Variants in ASIC2 observed in about 807,000 individuals in gnomAD.
The protein encoded by ASIC2 is acid-sensing ion channel 2.
Under a neutral mutation model 57.3 loss-of-function variants are expected in ASIC2, and 25 were observed. The observed-to-expected ratio is 0.44, with a 90% CI of 0.32 to 0.61. The LOEUF is 0.61. Ranked by LOEUF, ASIC2 falls within the 20% of genes least tolerant of loss-of-function variation. ASIC2 has a pLI of 0.06. For synonymous variants in ASIC2, 319 were observed against 307.5 expected (o/e 1.04, Z -0.39); for missense variants, 641 against 738.1 (o/e 0.87, Z 1.52).
chr17:33,970,877 C>T (rs749938264), intron 1 of ASIC2, among the ~76,000 whole-genome samples: 7 of 152,158 alleles, frequency 4.6e-5, no homozygotes, highest in Admixed American at 1.3e-4. Flanking sequence ...AGGGGAGATG[C>T]TCAGAACAAA....
chr17:33,604,360 G>A (rs1905176287), intron 1 of ASIC2, among the ~76,000 whole-genome samples: 1 of 152,206 alleles, frequency 6.6e-6, no homozygotes, highest in African/African-American at 2.4e-5. Flanking sequence ...TGGAGAGCAG[G>A]TGGTGATGAA....
chr17:33,505,150 G>A (rs941626564), intron 1 of ASIC2, among the ~76,000 whole-genome samples: 1 of 152,038 alleles, frequency 6.6e-6, no homozygotes, highest in Non-Finnish European at 1.5e-5. Flanking sequence ...TCAATATGGT[G>A]GGCGGGGCAC....
At chr17:33,824,386 G>A (rs954233163) in intron 1 of ASIC2, among the ~76,000 whole-genome samples, 1 of 151,764 alleles carries the variant, frequency 6.6e-6, no homozygotes, top group African/African-American at 2.4e-5. Flanking sequence ...GTGTATATAT[G>A]TATGTATATA....
chr17:33,341,455 G>A (rs1907717972), intron 1 of ASIC2, among the ~76,000 whole-genome samples: 1 of 151,768 alleles, frequency 6.6e-6, no homozygotes, highest in Non-Finnish European at 1.5e-5. Flanking sequence ...CATTTTACTG[G>A]AACACAGCCA....
At chr17:33,339,092 A>C (rs1329714865) in intron 1 of ASIC2, among the ~76,000 whole-genome samples, 1 of 152,194 alleles carries the variant, frequency 6.6e-6, no homozygotes, top group African/African-American at 2.4e-5. Context: ...TACCACGATA[A>C]AAATTAAGTT....
intron 1 of ASIC2, among the ~76,000 whole-genome samples, chr17:33,437,974 A>G (rs951232137): frequency 6.6e-6 from 1 of 152,206 alleles, no homozygotes; most frequent in Non-Finnish European, 1.5e-5. Flanking sequence ...ACCAAGAAAG[A>G]GCTAAGTAAT....
At chr17:33,640,107 T>A (rs1247648554) in intron 1 of ASIC2, among the ~76,000 whole-genome samples, 1 of 151,958 alleles carries the variant, frequency 6.6e-6, no homozygotes, top group Non-Finnish European at 1.5e-5. Context: ...GGGTAGGGGA[T>A]GCAATGGAGA....
Position 33,292,121 on chromosome 17 carries a change from C to T in ASIC2, c.-6G>A. Reference sequence around the variant, plus strand: ...GCTCCGCCAATCCGGCTCATTCATTCAGCCCGCGGCTGGCGGCAGCGGCGG... The same window carrying T: ...GCTCCGCCAATCCGGCTCATTCATTTAGCCCGCGGCTGGCGGCAGCGGCGG... On this transcript the variant is annotated 5_prime_UTR_variant, in exon 1 of 10. Transcript: ENST00000225823. 7.7e-6 allele frequency: 8 copies of T among 1,039,972 alleles called. No individual in the cohort carries two copies. Among genetic ancestry groups the T allele is most frequent in the Non-Finnish European group, 9.2e-6 (8 of 867,534 alleles). 64.4% of individuals were successfully genotyped at this position (1,039,972 alleles called of 1,614,324 possible). A position where few individuals can be genotyped will look rare whatever the true frequency, so the allele number is the denominator to read the frequency against.
intron 1 of ASIC2, among the ~76,000 whole-genome samples, chr17:33,587,666 G>A (rs1171865277): frequency 6.6e-6 from 1 of 152,202 alleles, no homozygotes; most frequent in Non-Finnish European, 1.5e-5. Flanking sequence ...CATAACACTT[G>A]TAGTGAGCAG....
intron 1 of ASIC2, among the ~76,000 whole-genome samples, chr17:34,083,854 C>A (rs1909992371): frequency 6.6e-6 from 1 of 152,182 alleles, no homozygotes; most frequent in African/African-American, 2.4e-5. Context: ...CCTTCGCCCA[C>A]TTTTTGACGG....
chr17:33,489,546 T>C (rs1316555530), intron 1 of ASIC2, among the ~76,000 whole-genome samples: 1 of 152,214 alleles, frequency 6.6e-6, no homozygotes, highest in African/African-American at 2.4e-5. Flanking sequence ...GTCAGCTCAC[T>C]GGCCCTGGAC....
intron 1 of ASIC2, among the ~76,000 whole-genome samples, chr17:33,898,854 T>C (rs317354): frequency 0.21 from 31,994 of 152,088 alleles, 3,723 homozygotes; most frequent in East Asian, 0.38. Flanking sequence ...AGAAAATACA[T>C]AGGCTTGGCA....
intron 1 of ASIC2, among the ~76,000 whole-genome samples, chr17:33,920,366 C>T (rs140693843): frequency 5.9e-5 from 9 of 152,258 alleles, no homozygotes; most frequent in African/African-American, 1.9e-4. Flanking sequence ...CCATGGAATA[C>T]TACATAGCCA....
intron 1 of ASIC2, among the ~76,000 whole-genome samples, chr17:33,186,944 G>A (rs1190894181): frequency 3.3e-5 from 5 of 152,126 alleles, no homozygotes; most frequent in African/African-American, 4.8e-5. Flanking sequence ...GATGTGCGAC[G>A]AAAAGTGGAT....
At chr17:34,116,232 T>C in intron 1 of ASIC2, among the ~76,000 whole-genome samples, 1 of 152,236 alleles carries the variant, frequency 6.6e-6, no homozygotes, top group Non-Finnish European at 1.5e-5. Context: ...ATCCTTGTTT[T>C]ACCAGTATGT....
chr17:33,789,464 T>TCTCACACACACACACACACA (rs145766933), intron 1 of ASIC2, among the ~76,000 whole-genome samples: 1 of 144,414 alleles, frequency 6.9e-6, no homozygotes, highest in Admixed American at 6.9e-5. Context: ...AGAATCATGG[T>TCTCACACACACACACACACA]CACACACACA....
At chr17:33,808,577 T>A (rs1036580880) in intron 1 of ASIC2, among the ~76,000 whole-genome samples, 5 of 152,206 alleles carry the variant, frequency 3.3e-5, no homozygotes, top group African/African-American at 1.2e-4. Flanking sequence ...TTAATGGGAT[T>A]TTGATTGGAA....
At chr17:33,464,138 T>C (rs1422233704) in intron 1 of ASIC2, among the ~76,000 whole-genome samples, 4 of 152,140 alleles carry the variant, frequency 2.6e-5, no homozygotes, top group Admixed American at 2.6e-4. Context: ...GTCCTAAGAG[T>C]CTGAGACCTG....
At chr17:33,614,979 C>T (rs1291816227) in intron 1 of ASIC2, among the ~76,000 whole-genome samples, 1 of 152,190 alleles carries the variant, frequency 6.6e-6, no homozygotes, top group Non-Finnish European at 1.5e-5. Context: ...CTGTGTCTGT[C>T]AATGCATTAA....
Sources: gnomAD v4.1 joint callset for allele counts (sites outside exome capture counted in the v4.1 genomes callset) on GRCh38, gnomAD v4.1.1 for gene constraint, MANE v1.5 for transcripts, NCBI Gene and HGNC (gene_info 2026-07-23, HGNC 2026-07-21) for gene names.